TNR: variants seen among roughly 807,000 people sequenced by gnomAD.
TNR encodes tenascin-R.
In TNR, 45 loss-of-function variants were observed where a neutral mutation model predicts 150.4. That is an observed-to-expected ratio of 0.30 (90% CI 0.24 to 0.38). The LOEUF (loss-of-function observed/expected upper bound fraction) is 0.38. TNR is among the 10% of genes least tolerant of loss of function. TNR has a pLI of 1.00. For missense variants in TNR, 1,544 were observed against 1,759.1 expected (o/e 0.88, Z 2.19); for synonymous variants, 687 against 678.4 (o/e 1.01, Z -0.20).
At chr1:175,542,328 G>A (rs1660533722) in intron 1 of TNR, among the ~76,000 whole-genome samples, 2 of 152,118 alleles carry the variant, frequency 1.3e-5, no homozygotes, top group African/African-American at 4.8e-5. Flanking sequence ...AGTTTGGAAG[G>A]GGGGTGCTGC....
At chr1:175,543,668 G>A (rs925568529) in intron 1 of TNR, among the ~76,000 whole-genome samples, 60 of 152,164 alleles carry the variant, frequency 3.9e-4, no homozygotes, top group African/African-American at 1.4e-3. Flanking sequence ...TTCCTGTTCT[G>A]GGAAACTCGT....
chr1:175,491,905 T>G (rs1200585125), intron 2 of TNR, among the ~76,000 whole-genome samples: 1 of 152,090 alleles, frequency 6.6e-6, no homozygotes, highest in Non-Finnish European at 1.5e-5. Flanking sequence ...CGCCTTGGCC[T>G]CCCAAAGTGC....
intron 1 of TNR, among the ~76,000 whole-genome samples, chr1:175,662,243 C>T (rs932135388): frequency 3.3e-5 from 5 of 152,198 alleles, no homozygotes; most frequent in Admixed American, 3.3e-4. Context: ...ACCCTATCAG[C>T]GTCTCAAGGC....
chr1:175,493,096 C>A (rs1658331508), intron 2 of TNR, among the ~76,000 whole-genome samples: 1 of 152,108 alleles, frequency 6.6e-6, no homozygotes, highest in African/African-American at 2.4e-5. Flanking sequence ...AGGCAGGTGT[C>A]ATTTCCTCAT....
In TNR at chr1:175,317,868, G is replaced by A. The variant is rs1648885564; in HGVS notation, c.*5489C>T. 6.6e-6 allele frequency: 1 copy of A among 152,296 alleles called. No homozygotes were observed. The highest frequency in any genetic ancestry group is 2.1e-4 in the South Asian group (1 of 4,832). 9.4% of individuals were successfully genotyped at this position (152,296 alleles called of 1,614,324 possible). ...GGATGCACTGCAAGAGCCTTATTAA[G>A]CTTGAGGAAGGAGAGAGGATTTCCC... On this transcript the variant is annotated 3_prime_UTR_variant, in exon 23 of 23. Coordinates refer to ENST00000367674, the MANE Select transcript of TNR (RefSeq NM_003285.3).
intron 1 of TNR, among the ~76,000 whole-genome samples, chr1:175,626,107 T>C (rs1664147951): frequency 6.6e-6 from 1 of 152,186 alleles, no homozygotes; most frequent in Admixed American, 6.5e-5. Context: ...CACTGCCATG[T>C]AAGAAGTGCC....
intron 2 of TNR, among the ~76,000 whole-genome samples, chr1:175,422,308 T>C (rs1325235121): frequency 6.7e-6 from 1 of 149,810 alleles, no homozygotes; most frequent in East Asian, 1.9e-4. Context: ...GCAGAGTCTA[T>C]AATCTAGTTA....
chr1:175,493,854 C>G (rs1658361281), intron 2 of TNR, among the ~76,000 whole-genome samples: 1 of 152,210 alleles, frequency 6.6e-6, no homozygotes, highest in African/African-American at 2.4e-5. Context: ...AAAACGCCCA[C>G]TCCTCTGAAA....
chr1:175,603,210 G>C (rs1663305087), intron 1 of TNR, among the ~76,000 whole-genome samples: 1 of 152,216 alleles, frequency 6.6e-6, no homozygotes. Context: ...TCCAGTGACA[G>C]AGACCTTTTT....
chr1:175,536,062 T>C (rs6425351), intron 1 of TNR, among the ~76,000 whole-genome samples: 101,930 of 152,098 alleles, frequency 0.67, 34,448 homozygotes, highest in Admixed American at 0.72. Flanking sequence ...TTATTAGACC[T>C]GCCAGCAGAT....
rs778696971 is a variant in TNR at position 175,403,182 on chromosome 1, A to G, written c.934T>C (p.Cys312Arg). ...CCCTGGTAGCCCTCTTCACAGACGC[A>G]GAGCCCCTCCTCACATTGTCCTCGC... ...SGRGQCEEGLCVCEEGYQGPD... is the reference protein window; with the variant it reads ...SGRGQCEEGLRVCEEGYQGPD... The change falls in exon 4 of 23, where the codon TGC becomes CGC. Residue 312 changes from cysteine to arginine, a missense_variant. This residue lies in a region of TNR where 1,254 missense variants were observed against 1,329.4 expected (regional missense o/e 0.94). Coordinates refer to ENST00000367674, the MANE Select transcript of TNR (RefSeq NM_003285.3). The G allele has an allele frequency of 1.2e-6, 2 of 1,614,114 alleles. No homozygotes were observed. Among genetic ancestry groups the G allele is most frequent in the East Asian group, 4.5e-5 (2 of 44,878 alleles).
chr1:175,715,972 T>A (rs140890497), intron 1 of TNR, among the ~76,000 whole-genome samples: 2 of 152,264 alleles, frequency 1.3e-5, no homozygotes, highest in East Asian at 1.9e-4. Context: ...AGCTATTGAC[T>A]CAGCTGATCA....
chr1:175,675,502 A>T lies in TNR; in HGVS notation c.-165+67724T>A, dbSNP rs141021905. 5.4e-3 allele frequency among the ~76,000 whole-genome samples: 828 copies of T among 152,320 alleles called. 6 individuals carry two copies. Among genetic ancestry groups the T allele is most frequent in the African/African-American group, 0.019 (797 of 41,556 alleles). The stretch of plus-strand genomic sequence containing the variant: ...CAGTGTATACATGCTCCATAAGTGT[A>T]TGCTGTACACTTCAAGCATGCAGGT... On this transcript the variant is annotated intron_variant, in intron 1 of 22. Coordinates refer to ENST00000367674, the MANE Select transcript of TNR (RefSeq NM_003285.3).
At chr1:175,346,888 GAA>G (rs59468796) in intron 18 of TNR, among the ~76,000 whole-genome samples, 1 of 125,062 alleles carries the variant, frequency 8.0e-6, no homozygotes, top group Non-Finnish European at 1.7e-5. Flanking sequence ...TTCCACAAAA[GAA>G]AAAAAAAAAA....
At chr1:175,464,768 T>C (rs1360687352) in intron 2 of TNR, among the ~76,000 whole-genome samples, 2 of 152,242 alleles carry the variant, frequency 1.3e-5, no homozygotes, top group African/African-American at 4.8e-5. Flanking sequence ...ATAACATTTA[T>C]TTATATTCTA....
At chr1:175,499,478 G>C (rs995375365) in intron 2 of TNR, among the ~76,000 whole-genome samples, 1 of 152,120 alleles carries the variant, frequency 6.6e-6, no homozygotes, top group Admixed American at 6.5e-5. Flanking sequence ...CTCAACTTAA[G>C]ACCTGGGTAT....
intron 14 of TNR, among the ~76,000 whole-genome samples, chr1:175,361,127 T>C (rs925096040): frequency 1.3e-5 from 2 of 152,162 alleles, no homozygotes; most frequent in African/African-American, 2.4e-5. Context: ...AGTGGCATGA[T>C]CATGGCTCAC....
At chr1:175,536,021 A>T (rs549711421) in intron 1 of TNR, among the ~76,000 whole-genome samples, 25 of 152,322 alleles carry the variant, frequency 1.6e-4, no homozygotes, top group African/African-American at 6.0e-4. Flanking sequence ...AATATTGTTT[A>T]AGCTTATTAC....
At chr1:175,587,952 G>A (rs986367091) in intron 1 of TNR, among the ~76,000 whole-genome samples, 4 of 152,358 alleles carry the variant, frequency 2.6e-5, no homozygotes, top group Admixed American at 2.0e-4. Context: ...AAGTCATAAA[G>A]TGAAGAGCTC....
Sources: gnomAD v4.1 joint callset for allele counts (sites outside exome capture counted in the v4.1 genomes callset) on GRCh38, gnomAD v4.1.1 for gene constraint, gnomAD v4.1.1 regional missense constraint, MANE v1.5 for transcripts, NCBI Gene and HGNC (gene_info 2026-07-23, HGNC 2026-07-21) for gene names.